Variants in BTBD2 observed in about 807,000 individuals in gnomAD.
The protein encoded by BTBD2 is BTB/POZ domain-containing protein 2.
BTBD2 carries 15 observed loss-of-function variants against 44.0 expected under a neutral mutation model. The observed-to-expected ratio is 0.34, with a 90% CI of 0.23 to 0.53. The LOEUF (loss-of-function observed/expected upper bound fraction) is 0.53. Ranked by LOEUF, BTBD2 falls within the 20% of genes least tolerant of loss-of-function variation. The probability of loss-of-function intolerance (pLI) is 0.95; values close to 1 mark genes in which losing one functional copy is unlikely to be tolerated. For synonymous variants in BTBD2, 443 were observed against 335.9 expected (o/e 1.32, Z -3.49); for missense variants, 657 against 746.4 (o/e 0.88, Z 1.39).
At chr19:2,005,249 G>A (rs1408444820) in intron 1 of BTBD2, among the ~76,000 whole-genome samples, 4 of 152,142 alleles carry the variant, frequency 2.6e-5, no homozygotes, top group East Asian at 1.9e-4. Flanking sequence ...ATTCACGCAC[G>A]AGGCTGTGTG....
rs199549335 is a variant in BTBD2 at position 1,995,276 on chromosome 19, A to ATTTTT, written c.527+2067_527+2068insAAAAA. ...GCCACCGCGCCTAGCCATACTTTGG[A>ATTTTT]TTCTTTTTTTTTTTTTTTTTTTTGA... On this transcript the variant is annotated intron_variant, in intron 2 of 8. Coordinates refer to ENST00000255608, the MANE Select transcript of BTBD2 (RefSeq NM_017797.4). 1.5e-4 allele frequency among the ~76,000 whole-genome samples: 15 copies of ATTTTT among 99,024 alleles called. 3 individuals carry two copies. Among genetic ancestry groups the ATTTTT allele is most frequent in the African/African-American group, 1.4e-4 (3 of 21,610 alleles). The allele number at this position is 99,024 out of a possible 152,430, so 65.0% of individuals were successfully genotyped here.
chr19:1,988,727 C>T lies in BTBD2; in HGVS notation c.989-1035G>A, dbSNP rs1377147135. 3.9e-5 allele frequency among the ~76,000 whole-genome samples: 6 copies of T among 152,142 alleles called. No individual in the cohort carries two copies. The East Asian group carries it at 9.7e-4, about 25-fold the overall frequency. On this transcript the variant is annotated intron_variant, in intron 5 of 8. Coordinates refer to ENST00000255608, the MANE Select transcript of BTBD2 (RefSeq NM_017797.4). The stretch of plus-strand genomic sequence containing the variant: ...CAAGCAATTCTCCTGCCTCAGCCTC[C>T]AGCATAGCTGGGTTTACAGGCATGC...
chr19:1,989,811 G>A (rs2016147007), intron 5 of BTBD2, 193 bp downstream of exon 5: 1 of 639,284 alleles, frequency 1.6e-6, no homozygotes, highest in Non-Finnish European at 2.7e-6. Flanking sequence ...TGCACGGTGG[G>A]GACAGAGCCG....
intron 1 of BTBD2, among the ~76,000 whole-genome samples, chr19:1,999,397 T>C (rs1400419241): frequency 1.3e-5 from 2 of 152,150 alleles, no homozygotes; most frequent in Non-Finnish European, 2.9e-5. Flanking sequence ...CCGGGCACGG[T>C]GGCCCACACC....
chr19:1,992,745 T>C (rs368771966), intron 3 of BTBD2, among the ~76,000 whole-genome samples: 1 of 151,868 alleles, frequency 6.6e-6, no homozygotes, highest in African/African-American at 2.4e-5. Flanking sequence ...CTCTTTTTTG[T>C]GTTTTTAGTA....
chr19:1,993,541 G>C (rs2016209885), intron 2 of BTBD2, among the ~76,000 whole-genome samples: 1 of 151,956 alleles, frequency 6.6e-6, no homozygotes, highest in Non-Finnish European at 1.5e-5. Context: ...GGAACTGTTG[G>C]TTCCCCACCT....
At chr19:2,002,654 A>ACC (rs1321998916) in intron 1 of BTBD2, 4 of 152,050 alleles carry the variant, frequency 2.6e-5, no homozygotes, top group Non-Finnish European at 4.4e-5. Context: ...CGGGTGGATC[A>ACC]TGAGGTCAGG....
rs189125857 is a variant in BTBD2 at position 1,993,806 on chromosome 19, G to A, written c.528-630C>T. On this transcript the variant is annotated intron_variant, in intron 2 of 8. Coordinates refer to ENST00000255608, the MANE Select transcript of BTBD2 (RefSeq NM_017797.4). Reference sequence around the variant, plus strand: ...AGGTCAAGAAGTGCCAGACCAGCCTGGCCAACATGGTGAAACCCCGTCTCT... The same window carrying A: ...AGGTCAAGAAGTGCCAGACCAGCCTAGCCAACATGGTGAAACCCCGTCTCT... Among the ~76,000 whole-genome samples the A allele has an allele frequency of 2.1e-3, 310 of 150,888 alleles. 1 individual carries two copies. The highest frequency in any genetic ancestry group is 6.7e-3 in the African/African-American group (277 of 41,062).
chr19:2,005,218 G>A (rs887056677), intron 1 of BTBD2, among the ~76,000 whole-genome samples: 10 of 152,214 alleles, frequency 6.6e-5, no homozygotes, highest in Non-Finnish European at 1.3e-4. Flanking sequence ...TTGAGCTACT[G>A]TGAATCATGC....
At chr19:1,998,636 T>C (rs2016283614) in intron 1 of BTBD2, among the ~76,000 whole-genome samples, 1 of 152,096 alleles carries the variant, frequency 6.6e-6, no homozygotes, top group Non-Finnish European at 1.5e-5. Flanking sequence ...AACCCGCGTT[T>C]GGCCAGGTCT....
At position 1,990,757 on chromosome 19, in the gene BTBD2, T is replaced by A; in HGVS notation, c.750A>T (p.Ala250=). 6.2e-7 allele frequency: 1 copy of A among 1,603,132 alleles called. No individual in the cohort carries two copies. The highest frequency in any genetic ancestry group is 8.5e-7 in the Non-Finnish European group (1 of 1,175,248). The change falls in exon 4 of 9, where the codon GCA becomes GCT. Residue 250 remains alanine, a synonymous_variant. Coordinates refer to ENST00000255608, the MANE Select transcript of BTBD2 (RefSeq NM_017797.4). The part of the protein sequence containing the change: ...LCLENIDKNT[A]DAITAEGFTD... The stretch of plus-strand genomic sequence containing the variant: ...TGAAGCCCTCCGCGGTGATGGCGTC[T>A]GCAGTGTTTTTGTCGATGTTCTCCA...
At position 1,993,923 on chromosome 19, in the gene BTBD2, G is replaced by A. The variant is rs193048852; in HGVS notation, c.528-747C>T. On this transcript the variant is annotated intron_variant, in intron 2 of 8. Transcript: ENST00000255608. ...GAGGCAAGAGAATCGCTTGAACCTG[G>A]GAGGCAGATGTTGCAGTGAGCTGAG... is the stretch of plus-strand genomic sequence containing the variant. Among the ~76,000 whole-genome samples the A allele has an allele frequency of 2.7e-3, 388 of 143,142 alleles. 4 individuals are homozygous for A. The highest frequency in any genetic ancestry group is 4.3e-3 in the Non-Finnish European group (288 of 67,042). The allele number at this position is 143,142 out of a possible 152,430, so 93.9% of individuals were successfully genotyped here. A position where few individuals can be genotyped will look rare whatever the true frequency, so the allele number is the denominator to read the frequency against.
chr19:2,001,466 T>C (rs559953763), intron 1 of BTBD2, among the ~76,000 whole-genome samples: 1 of 152,062 alleles, frequency 6.6e-6, no homozygotes, highest in Admixed American at 6.6e-5. Context: ...CACTGCACCC[T>C]GGGCTACAAG....
At position 1,987,479 on chromosome 19, in the gene BTBD2, C is replaced by T. The variant is rs575387080; in HGVS notation, c.1181+21G>A. 1.5e-5 allele frequency: 23 copies of T among 1,541,068 alleles called. No homozygotes were observed. The African/African-American group carries it at 1.5e-4, about 10-fold the overall frequency. ...CTCCACCCCCATGTCCGGACCCCCC[C>T]GCCTGCACCCCAAGCCCCACCTGAT... On this transcript the variant is annotated intron_variant, in intron 6 of 8. Coordinates refer to ENST00000255608, the MANE Select transcript of BTBD2 (RefSeq NM_017797.4).
chr19:1,992,947 T>C (rs1599350536), intron 3 of BTBD2, 73 bp downstream of exon 3: 5 of 244,926 alleles, frequency 2.0e-5, no homozygotes, highest in South Asian at 9.6e-5. Context: ...GCCTCCAGCC[T>C]CGGTCCGCCC....
At chr19:1,995,707 GTC>G (rs2016242394) in intron 2 of BTBD2, among the ~76,000 whole-genome samples, 2 of 149,490 alleles carry the variant, frequency 1.3e-5, no homozygotes, top group African/African-American at 4.9e-5. Context: ...CATGATCTCA[GTC>G]CACTCCAACC....
chr19:1,998,384 C>A (rs567004281), intron 1 of BTBD2, among the ~76,000 whole-genome samples: 2 of 152,320 alleles, frequency 1.3e-5, no homozygotes, highest in South Asian at 4.1e-4. Context: ...TGAGCCGCCA[C>A]GTCCATGGGG....
Position 1,995,301 on chromosome 19 carries a change from AGAGG to A in BTBD2, c.527+2039_527+2042del, listed in dbSNP as rs1599352237. ...ATTCTTTTTTTTTTTTTTTTTTTTG[AGAGG>A]GAGTCTTGCTCTGTTGCCCAAGCTG... On this transcript the variant is annotated intron_variant, in intron 2 of 8. Transcript: ENST00000255608. Among the ~76,000 whole-genome samples the A allele has an allele frequency of 5.4e-5, 5 of 92,992 alleles. No homozygotes were observed. In the South Asian group the frequency reaches 1.0e-3, roughly 19 times the overall value. 61.0% of individuals were successfully genotyped at this position (92,992 alleles called of 152,430 possible). A position where few individuals can be genotyped will look rare whatever the true frequency, so the allele number is the denominator to read the frequency against.
At position 1,993,193 on chromosome 19, in the gene BTBD2, G is replaced by A. The variant is rs1405029728; in HGVS notation, c.528-17C>T. 2 of 1,585,818 alleles carry A rather than the reference G, an allele frequency of 1.3e-6. No individual in the cohort carries two copies. The highest frequency in any genetic ancestry group is 2.7e-5 in the African/African-American group (2 of 74,196). ...TAGAGAAACCTGCAGAAGCAACGCG[G>A]GTGGCCGTGAGGTGGGACCGCCATG... is the stretch of plus-strand genomic sequence containing the variant. On this transcript the variant is annotated splice_polypyrimidine_tract_variant and intron_variant, in intron 2 of 8. Coordinates refer to ENST00000255608, the MANE Select transcript of BTBD2 (RefSeq NM_017797.4).
Sources: gnomAD v4.1 joint callset for allele counts (sites outside exome capture counted in the v4.1 genomes callset) on GRCh38, gnomAD v4.1.1 for gene constraint, MANE v1.5 for transcripts, NCBI Gene and HGNC (gene_info 2026-07-23, HGNC 2026-07-21) for gene names.